OTUD7B: variants seen among roughly 807,000 people sequenced by gnomAD.
OTUD7B encodes OTU deubiquitinase 7B, also known as OTU domain-containing protein 7B.
OTUD7B carries 34 observed loss-of-function variants against 82.2 expected under a neutral mutation model. The ratio of observed to expected loss-of-function variants is 0.41; its 90% confidence interval spans 0.31 to 0.55. OTUD7B has a LOEUF of 0.55. Ranked by LOEUF, OTUD7B falls within the 20% of genes least tolerant of loss-of-function variation. OTUD7B has a pLI of 0.20. For missense variants in OTUD7B, 944 were observed against 1,062.1 expected, an observed-to-expected ratio of 0.89 and a Z score of 1.55; for synonymous variants, 398 against 402.7, an observed-to-expected ratio of 0.99 and a Z score of 0.14.
In OTUD7B at chr1:149,938,483, A is replaced by AAAAACAAG. The variant is rs1296913338; in HGVS notation, c.*5373_*5374insCTTGTTTT. 2 of 82,914 alleles carry AAAAACAAG rather than the reference A, an allele frequency of 2.4e-5. 1 individual carries two copies. Among genetic ancestry groups the AAAAACAAG allele is most frequent in the African/African-American group, 9.8e-5 (2 of 20,340 alleles). 5.1% of individuals were successfully genotyped at this position (82,914 alleles called of 1,614,324 possible). A position where few individuals can be genotyped will look rare whatever the true frequency, so the allele number is the denominator to read the frequency against. On this transcript the variant is annotated 3_prime_UTR_variant, in exon 12 of 12. Coordinates refer to ENST00000581312, the MANE Select transcript of OTUD7B (RefSeq NM_020205.4). ...CGCAAAAAAAAAAAAAAAAAAAAAG[A>AAAAACAAG]CATAGGAAGAGGTGTGTACCATAAC...
chr1:150,052,208 A>G, the OTUD7B span, among the ~76,000 whole-genome samples: 1 of 152,220 alleles, frequency 6.6e-6, no homozygotes, highest in Non-Finnish European at 1.5e-5. Flanking sequence ...CGGCATCTGA[A>G]TAGCAAGAGA....
chr1:150,059,053 C>CTTTTTTT, the OTUD7B span, among the ~76,000 whole-genome samples: 8 of 125,462 alleles, frequency 6.4e-5, no homozygotes, highest in African/African-American at 9.6e-5. Flanking sequence ...ACTTTCTTTT[C>CTTTTTTT]TTTTTTTTTT....
chr1:150,019,690 T>A, the OTUD7B span, among the ~76,000 whole-genome samples: 2 of 151,810 alleles, frequency 1.3e-5, no homozygotes, highest in South Asian at 4.2e-4. Context: ...ATTTATCTAC[T>A]GCAAATAATA....
chr1:150,031,378 C>G, the OTUD7B span, among the ~76,000 whole-genome samples: 2 of 152,224 alleles, frequency 1.3e-5, no homozygotes, highest in East Asian at 3.9e-4. Flanking sequence ...ATAAAATTTA[C>G]CTGTCCTATT....
chr1:149,945,776 T>G (rs1007451771), intron 11 of OTUD7B, among the ~76,000 whole-genome samples: 1 of 152,144 alleles, frequency 6.6e-6, no homozygotes, highest in Admixed American at 6.5e-5. Flanking sequence ...AAAGAATATG[T>G]TAAGCCAGGC....
the OTUD7B span, among the ~76,000 whole-genome samples, chr1:150,021,731 T>C: frequency 6.6e-6 from 1 of 152,096 alleles, no homozygotes; most frequent in Non-Finnish European, 1.5e-5. Flanking sequence ...ATAAAATGGG[T>C]TTACTAATTA....
intron 7 of OTUD7B, among the ~76,000 whole-genome samples, chr1:149,952,832 G>A (rs1381132511): frequency 1.3e-5 from 2 of 152,072 alleles, no homozygotes; most frequent in Admixed American, 6.6e-5. Flanking sequence ...TGTGTCTGTT[G>A]GCTGCATAAA....
chr1:150,031,564 AT>A, the OTUD7B span, among the ~76,000 whole-genome samples: 6 of 152,328 alleles, frequency 3.9e-5, no homozygotes, highest in East Asian at 9.6e-4. Context: ...TGTTGAAAAA[AT>A]TTTAAGCACC....
the OTUD7B span, among the ~76,000 whole-genome samples, chr1:150,050,092 G>A: frequency 6.6e-6 from 1 of 152,030 alleles, no homozygotes. Flanking sequence ...TTACGTGCCA[G>A]TAGAGGCTGG....
chr1:149,956,809 C>T (rs1447836143), intron 7 of OTUD7B, among the ~76,000 whole-genome samples: 2 of 152,210 alleles, frequency 1.3e-5, no homozygotes, highest in African/African-American at 4.8e-5. Flanking sequence ...GATACCCTTT[C>T]TTCCACTTGA....
intron 1 of OTUD7B, among the ~76,000 whole-genome samples, chr1:149,984,572 T>C (rs1483974687): frequency 6.6e-6 from 1 of 152,156 alleles, no homozygotes; most frequent in Non-Finnish European, 1.5e-5. Flanking sequence ...CATCTTCTCA[T>C]TGAAACTTCA....
At chr1:150,034,042 A>G in the OTUD7B span, among the ~76,000 whole-genome samples, 1 of 152,166 alleles carries the variant, frequency 6.6e-6, no homozygotes, top group Non-Finnish European at 1.5e-5. Flanking sequence ...TTTAAGAATT[A>G]TAATGGACAA....
Position 149,967,310 on chromosome 1 carries a change from A to C in OTUD7B, c.486T>G (p.Val162=). The C allele has an allele frequency of 6.2e-7, 1 of 1,613,234 alleles. No individual in the cohort carries two copies. The highest frequency in any genetic ancestry group is 8.5e-7 in the Non-Finnish European group (1 of 1,179,370). The change falls in exon 4 of 12, where the codon GTT becomes GTG. Residue 162 remains valine (V), a synonymous_variant. Coordinates refer to ENST00000581312, the MANE Select transcript of OTUD7B (RefSeq NM_020205.4). ...CTCACTGACCTGCCTGTTCCAAGGC[A>C]ACCAGCATGGACTGCTCAATGAGGT... ...ERDLIEQSML[V]ALEQAGRLNW...
intron 1 of OTUD7B, among the ~76,000 whole-genome samples, chr1:149,986,648 C>T (rs1296531968): frequency 2.0e-5 from 3 of 152,234 alleles, no homozygotes; most frequent in African/African-American, 7.2e-5. Flanking sequence ...CTTCCCATAA[C>T]TCACTGGAAA....
chr1:149,959,097 C>G lies in OTUD7B; in HGVS notation c.845+587G>C, dbSNP rs1487404025. 2.6e-5 allele frequency among the ~76,000 whole-genome samples: 4 copies of G among 151,930 alleles called. No homozygotes were observed. In the South Asian group the frequency reaches 8.3e-4, roughly 32 times the overall value. ...ATTAGCTGGGCGTGGTGGCATGCAT[C>G]TGTAGTCCCAGCTACTTGGGAGGCT... On this transcript the variant is annotated intron_variant, in intron 7 of 11. Transcript: ENST00000581312.
the OTUD7B span, among the ~76,000 whole-genome samples, chr1:150,018,184 C>A: frequency 6.6e-6 from 1 of 152,096 alleles, no homozygotes; most frequent in Non-Finnish European, 1.5e-5. Context: ...TGAAACAAGA[C>A]CAAAACCTAC....
At chr1:150,048,837 T>TA in the OTUD7B span, among the ~76,000 whole-genome samples, 8 of 149,868 alleles carry the variant, frequency 5.3e-5, no homozygotes, top group South Asian at 2.1e-4. Flanking sequence ...TTTGTTTCAT[T>TA]AAAAAAAAAA....
intron 1 of OTUD7B, among the ~76,000 whole-genome samples, chr1:149,987,380 G>T (rs1651225540): frequency 6.6e-6 from 1 of 152,212 alleles, no homozygotes; most frequent in South Asian, 2.1e-4. Context: ...GATTCAGACA[G>T]ATCTTGGTTC....
chr1:149,947,057 A>C (rs1553772319), intron 11 of OTUD7B, among the ~76,000 whole-genome samples, 194 bp downstream of exon 11: 2 of 152,226 alleles, frequency 1.3e-5, no homozygotes, highest in South Asian at 4.1e-4. Context: ...CATCTCAAAA[A>C]TAAAAATAAA....
Sources: gnomAD v4.1 joint callset for allele counts (sites outside exome capture counted in the v4.1 genomes callset) on GRCh38, gnomAD v4.1.1 for gene constraint, MANE v1.5 for transcripts, NCBI Gene and HGNC (gene_info 2026-07-23, HGNC 2026-07-21) for gene names.